Variants in HSD17B2 observed in about 807,000 individuals in gnomAD.
The protein encoded by HSD17B2 is 17-beta-hydroxysteroid dehydrogenase type 2.
A neutral mutation model predicts 26.9 loss-of-function variants in HSD17B2; 32 were observed. The observed-to-expected ratio is 1.19, with a 90% CI of 0.90 to 1.60. HSD17B2 has a LOEUF of 1.60. Among genes scored for constraint, HSD17B2 ranks in the 40% most tolerant of loss-of-function variants. The pLI is 0.00. For synonymous variants in HSD17B2, 246 were observed against 186.7 expected (o/e 1.32, Z -2.59); for missense variants, 613 against 468.6 (o/e 1.31, Z -2.85).
intron 4 of HSD17B2, chr16:82,096,316 G>A: frequency 6.6e-6 from 1 of 152,122 alleles, no homozygotes; most frequent in East Asian, 1.9e-4. Flanking sequence ...CTGCCTCCTG[G>A]GTTCAAGCAA....
chr16:82,052,898 G>A (rs916713277), intron 1 of HSD17B2, among the ~76,000 whole-genome samples: 4 of 152,176 alleles, frequency 2.6e-5, no homozygotes, highest in Admixed American at 2.0e-4. Context: ...TACTGGCATT[G>A]CTCTTTCTTT....
At chr16:82,051,190 T>C (rs1029517538) in intron 1 of HSD17B2, among the ~76,000 whole-genome samples, 1 of 152,246 alleles carries the variant, frequency 6.6e-6, no homozygotes, top group Admixed American at 6.5e-5. Flanking sequence ...CACTAGACTA[T>C]CTTGACTATT....
intron 3 of HSD17B2, among the ~76,000 whole-genome samples, chr16:82,073,028 T>G (rs1011367293): frequency 1.3e-5 from 2 of 152,180 alleles, no homozygotes; most frequent in South Asian, 2.1e-4. Flanking sequence ...GTCACTGTAC[T>G]CTAGCCTGGG....
At chr16:82,045,538 C>CAAA (rs1913900073) in intron 1 of HSD17B2, among the ~76,000 whole-genome samples, 1 of 152,152 alleles carries the variant, frequency 6.6e-6, no homozygotes, top group Admixed American at 6.5e-5. Context: ...CTATCTTTTC[C>CAAA]AGTTCAGTAA....
Position 82,061,950 on chromosome 16 carries a change from GA to G in HSD17B2, c.266-6219del, listed in dbSNP as rs536415773. 7.0e-4 allele frequency among the ~76,000 whole-genome samples: 107 copies of G among 152,294 alleles called. 1 individual carries two copies. The highest frequency in any genetic ancestry group is 2.5e-3 in the African/African-American group (105 of 41,558). Reference sequence around the variant, plus strand: ...CACTCAGTCCTGTATTTACAGGGTGGATGCGTTTTATTCAAGAGGCCTGGCC... The same window carrying G: ...CACTCAGTCCTGTATTTACAGGGTGGTGCGTTTTATTCAAGAGGCCTGGCC... On this transcript the variant is annotated intron_variant, in intron 1 of 4. Coordinates refer to ENST00000199936, the MANE Select transcript of HSD17B2 (RefSeq NM_002153.3).
chr16:82,036,222 G>T (rs1329368680), intron 1 of HSD17B2, among the ~76,000 whole-genome samples: 1 of 152,072 alleles, frequency 6.6e-6, no homozygotes, highest in Non-Finnish European at 1.5e-5. Context: ...TGTCTGAACT[G>T]TTCCTCATTA....
intron 3 of HSD17B2, among the ~76,000 whole-genome samples, chr16:82,078,923 A>T (rs769309164): frequency 3.3e-5 from 5 of 152,248 alleles, no homozygotes; most frequent in Non-Finnish European, 5.9e-5. Context: ...GTTAATGGGT[A>T]CAAAAAATAG....
At position 82,098,407 on chromosome 16, in the gene HSD17B2, A is replaced by G. The variant is rs978626644; in HGVS notation, c.1135A>G (p.Met379Val). The change falls in exon 5 of 5, where the codon ATG (methionine) becomes GTG (valine). Residue 379 changes from methionine to valine, a missense_variant. Coordinates refer to ENST00000199936, the MANE Select transcript of HSD17B2 (RefSeq NM_002153.3). The part of the protein sequence containing the change: ...QDKPMPRALR[M>V]PNYKKKAT ...CAAGCCCATGCCCAGAGCTCTAAGA[A>G]TGCCTAACTACAAGAAAAAGGCCAC... 1 of 1,608,406 alleles carries G rather than the reference A, an allele frequency of 6.2e-7. No individual in the cohort carries two copies. The highest frequency in any genetic ancestry group is 1.3e-5 in the African/African-American group (1 of 74,616).
intron 3 of HSD17B2, among the ~76,000 whole-genome samples, chr16:82,073,311 G>A (rs995979172): frequency 4.0e-5 from 6 of 151,534 alleles, no homozygotes; most frequent in South Asian, 4.2e-4. Flanking sequence ...TGCAAGCTCC[G>A]CCTCCCGGGT....
chr16:82,095,454 T>C (rs1904813436), intron 4 of HSD17B2: 1 of 152,940 alleles, frequency 6.5e-6, no homozygotes, highest in African/African-American at 2.4e-5. Context: ...CACAGCTATG[T>C]GAACAACCAA....
chr16:82,075,931 A>T (rs1904298991), intron 3 of HSD17B2, among the ~76,000 whole-genome samples: 1 of 151,042 alleles, frequency 6.6e-6, no homozygotes, highest in African/African-American at 2.4e-5. Flanking sequence ...AAAAGAAAAG[A>T]AAACTACAGG....
intron 3 of HSD17B2, among the ~76,000 whole-genome samples, chr16:82,073,017 T>A (rs1055673425): frequency 1.3e-5 from 2 of 152,166 alleles, no homozygotes; most frequent in African/African-American, 2.4e-5. Context: ...GCTGTGTTCA[T>A]GTCACTGTAC....
chr16:82,045,127 A>C (rs1163067383), intron 1 of HSD17B2, among the ~76,000 whole-genome samples: 7 of 149,832 alleles, frequency 4.7e-5, no homozygotes, highest in Non-Finnish European at 8.9e-5. Context: ...TGTCCAAAAA[A>C]AAAAAAAAAA....
intron 3 of HSD17B2, among the ~76,000 whole-genome samples, chr16:82,086,716 C>T (rs938600261): frequency 6.6e-6 from 1 of 152,200 alleles, no homozygotes; most frequent in Non-Finnish European, 1.5e-5. Context: ...TAAGGCAGGT[C>T]TTGTTGTTGA....
chr16:82,035,519 G>C lies in HSD17B2; in HGVS notation c.95G>C (p.Gly32Ala). 1 of 1,614,110 alleles carries C rather than the reference G, an allele frequency of 6.2e-7. No homozygotes were observed. The highest frequency in any genetic ancestry group is 1.1e-5 in the South Asian group (1 of 91,084). The part of the protein sequence containing the change: ...TVFCKYKKSS[G>A]QLWSWMVCLA... Reference sequence around the variant, plus strand: ...TTTTGCAAATACAAGAAGAGCTCAGGGCAGCTGTGGAGCTGGATGGTCTGC... The same window carrying C: ...TTTTGCAAATACAAGAAGAGCTCAGCGCAGCTGTGGAGCTGGATGGTCTGC... The change falls in exon 1 of 5, where the codon GGG becomes GCG. Residue 32 changes from glycine (G) to alanine (A), a missense_variant. Transcript: ENST00000199936.
chr16:82,090,969 A>C lies in HSD17B2; in HGVS notation c.732A>C (p.Ser244=). 6.2e-7 allele frequency: 1 copy of C among 1,614,030 alleles called. No homozygotes were observed. Among genetic ancestry groups the C allele is most frequent in the Non-Finnish European group, 8.5e-7 (1 of 1,179,922 alleles). ...SSKAAVTMFS[S]VMRLELSKWG... ...AGGCGGCTGTGACCATGTTCTCATC[A>C]GTTATGAGACTGGAGCTTTCCAAGT... The change falls in exon 4 of 5, where the codon TCA becomes TCC. Residue 244 remains serine (S), a synonymous_variant. Coordinates refer to ENST00000199936, the MANE Select transcript of HSD17B2 (RefSeq NM_002153.3).
At chr16:82,068,951 G>T (rs996129319) in intron 2 of HSD17B2, among the ~76,000 whole-genome samples, 7 of 152,128 alleles carry the variant, frequency 4.6e-5, no homozygotes, top group African/African-American at 1.4e-4. Context: ...ACACGTGCAG[G>T]ATGTGCTGGT....
intron 1 of HSD17B2, among the ~76,000 whole-genome samples, chr16:82,051,688 T>C (rs1914111690): frequency 6.6e-6 from 1 of 152,190 alleles, no homozygotes. Flanking sequence ...TACAGCTATG[T>C]AACAAACCTG....
intron 3 of HSD17B2, 159 bp downstream of exon 3, chr16:82,071,286 C>T: frequency 1.4e-6 from 1 of 704,360 alleles, no homozygotes; most frequent in South Asian, 1.5e-5. Context: ...ACAATAAAAC[C>T]TTTCTCTTCT....
Sources: gnomAD v4.1 joint callset for allele counts (sites outside exome capture counted in the v4.1 genomes callset) on GRCh38, gnomAD v4.1.1 for gene constraint, MANE v1.5 for transcripts, NCBI Gene and HGNC (gene_info 2026-07-23, HGNC 2026-07-21) for gene names.